FSCN2: variants seen among roughly 807,000 people sequenced by gnomAD.
The protein encoded by FSCN2 is fascin-2.
A neutral mutation model predicts 37.8 loss-of-function variants in FSCN2; 46 were observed. That is an observed-to-expected ratio of 1.22 (90% CI 0.96 to 1.56). The LOEUF (loss-of-function observed/expected upper bound fraction) is 1.56, where lower values mean the gene tolerates loss of function less well. Among genes scored for constraint, FSCN2 ranks in the 40% most tolerant of loss-of-function variants. The pLI, the probability that FSCN2 is intolerant of heterozygous loss-of-function variation, is 0.00. For missense variants in FSCN2, 844 were observed against 730.4 expected, an observed-to-expected ratio of 1.16 and a Z score of -1.79; for synonymous variants, 351 against 309.4, an observed-to-expected ratio of 1.13 and a Z score of -1.41.
At chr17:81,532,983 C>T (rs1247816622) in intron 1 of FSCN2, among the ~76,000 whole-genome samples, 1 of 152,144 alleles carries the variant, frequency 6.6e-6, no homozygotes, top group Non-Finnish European at 1.5e-5. Flanking sequence ...GACCCAACCA[C>T]CAGGTGTTTC....
chr17:81,520,211 C>T, the FSCN2 span, among the ~76,000 whole-genome samples: 1 of 152,066 alleles, frequency 6.6e-6, no homozygotes, highest in East Asian at 1.9e-4. Flanking sequence ...GGCGGTCACA[C>T]TTCCTCCTGG....
the FSCN2 span, among the ~76,000 whole-genome samples, chr17:81,517,553 C>G: frequency 6.6e-6 from 1 of 152,128 alleles, no homozygotes; most frequent in Non-Finnish European, 1.5e-5. Context: ...CTCTGTGTGT[C>G]GTGTGTGAGA....
At chr17:81,536,821 C>G in intron 4 of FSCN2, 32 bp downstream of exon 4, 1 of 1,533,602 alleles carries the variant, frequency 6.5e-7, no homozygotes. Context: ...CACGCGGGAG[C>G]GGGGGTGGCA....
chr17:81,531,406 TGATGGTGGTGGTGATAGTGATGATGGA>T (rs1555671292), intron 1 of FSCN2, among the ~76,000 whole-genome samples: 7 of 144,694 alleles, frequency 4.8e-5, no homozygotes, highest in African/African-American at 1.3e-4. Context: ...ATGGTGATGG[TGATGGTGGTGGTGATAGTGATGATGGA>T]GATGGTGGTG....
At chr17:81,529,400 C>A (rs782117777) in intron 1 of FSCN2, 43 bp downstream of exon 1, 5 of 1,429,176 alleles carry the variant, frequency 3.5e-6, no homozygotes, top group African/African-American at 1.4e-5. Flanking sequence ...GGTGCTGGGA[C>A]CCCCCTGCTT....
the FSCN2 span, among the ~76,000 whole-genome samples, chr17:81,516,034 AG>A: frequency 3.9e-5 from 6 of 152,374 alleles, no homozygotes; most frequent in Non-Finnish European, 8.8e-5. Flanking sequence ...TGGTGGAGAC[AG>A]GGTTTCACCA....
Position 81,532,143 on chromosome 17 carries a change from A to T in FSCN2, c.826+2786A>T, listed in dbSNP as rs867057070. ...GATGGTGATGATAGTGATGGTGATGATGGTGATGGTGATGATGATGGTGAT... is the reference window on the plus strand; with the variant it reads ...GATGGTGATGATAGTGATGGTGATGTTGGTGATGGTGATGATGATGGTGAT... On this transcript the variant is annotated intron_variant, in intron 1 of 4. Coordinates refer to ENST00000417245, the MANE Select transcript of FSCN2 (RefSeq NM_012418.4). Among the ~76,000 whole-genome samples the T allele has an allele frequency of 1.4e-3, 185 of 131,328 alleles. 1 individual carries two copies. The highest frequency in any genetic ancestry group is 5.0e-3 in the African/African-American group (167 of 33,518). 86.2% of individuals were successfully genotyped at this position (131,328 alleles called of 152,430 possible). A position where few individuals can be genotyped will look rare whatever the true frequency, so the allele number is the denominator to read the frequency against.
chr17:81,515,549 G>A, the FSCN2 span, among the ~76,000 whole-genome samples: 14 of 152,214 alleles, frequency 9.2e-5, no homozygotes, highest in Non-Finnish European at 4.4e-5. Flanking sequence ...CCCATTTAGT[G>A]GATACGACAA....
chr17:81,524,903 A>G (rs1024571557), upstream of FSCN2, among the ~76,000 whole-genome samples: 2 of 145,880 alleles, frequency 1.4e-5, no homozygotes, highest in Admixed American at 1.4e-4. Context: ...TCACACACAC[A>G]CACACACACA....
chr17:81,528,900 A>G lies in FSCN2; in HGVS notation c.369A>G (p.Thr123=), dbSNP rs1276906156. ...AGGACCAGCTGTCCTGCTTCGCCAC[A>G]GCCGTTTCCCCGGCCGAGCTGTGGA... is the stretch of plus-strand genomic sequence containing the variant. ...GTEDQLSCFA[T]AVSPAELWTV... The change falls in exon 1 of 5, where the codon ACA becomes ACG. Residue 123 remains threonine, a synonymous_variant. Transcript: ENST00000417245. 6.3e-7 allele frequency: 1 copy of G among 1,583,658 alleles called. No homozygotes were observed. Among genetic ancestry groups the G allele is most frequent in the Non-Finnish European group, 8.6e-7 (1 of 1,168,548 alleles).
intron 1 of FSCN2, chr17:81,530,622 G>A (rs1598571984): frequency 1.9e-6 from 1 of 515,158 alleles, no homozygotes; most frequent in South Asian, 1.4e-5. Context: ...GAGCTCCCCT[G>A]TCTCCTGGCA....
At chr17:81,517,475 A>C in the FSCN2 span, among the ~76,000 whole-genome samples, 2 of 151,834 alleles carry the variant, frequency 1.3e-5, no homozygotes, top group African/African-American at 4.8e-5. Context: ...GGCCCAGCAA[A>C]CCCCCCAGGC....
chr17:81,536,075 A>G, intron 2 of FSCN2, 71 bp from the exon 3 acceptor site: 3 of 1,544,680 alleles, frequency 1.9e-6, no homozygotes, highest in Non-Finnish European at 2.6e-6. Context: ...GAACCTGAGG[A>G]GGATGGGGAA....
chr17:81,528,876 G>A lies in FSCN2; in HGVS notation c.345G>A (p.Glu115=), dbSNP rs1555670640. The A allele has an allele frequency of 6.4e-7, 1 of 1,569,280 alleles. No individual in the cohort carries two copies. Among genetic ancestry groups the A allele is most frequent in the South Asian group, 1.2e-5 (1 of 86,038 alleles). The change falls in exon 1 of 5, where the codon GAG becomes GAA. Residue 115 remains glutamate, a synonymous_variant. Coordinates refer to ENST00000417245, the MANE Select transcript of FSCN2 (RefSeq NM_012418.4). ...EPHGRFFGGT[E]DQLSCFATAV... ...ACGGCCGCTTCTTCGGAGGCACCGA[G>A]GACCAGCTGTCCTGCTTCGCCACAG...
chr17:81,517,989 T>TTCCCA, the FSCN2 span, among the ~76,000 whole-genome samples: 5 of 152,180 alleles, frequency 3.3e-5, no homozygotes, highest in Non-Finnish European at 5.9e-5. Flanking sequence ...GCAGTGCGCG[T>TTCCCA]CCTGCAACCC....
the FSCN2 span, among the ~76,000 whole-genome samples, chr17:81,522,093 G>A: frequency 2.0e-5 from 3 of 151,792 alleles, no homozygotes; most frequent in Non-Finnish European, 4.4e-5. Flanking sequence ...TGCAACCTCC[G>A]TCTCCTGGGT....
chr17:81,531,420 ATAGTGATGATGGAGATGGTGGTGATGG>A (rs2032582303), intron 1 of FSCN2, among the ~76,000 whole-genome samples: 2 of 29,906 alleles, frequency 6.7e-5, no homozygotes, highest in African/African-American at 1.4e-4. Context: ...GGTGGTGGTG[ATAGTGATGATGGAGATGGTGGTGATGG>A]TGGTGGTGAT....
chr17:81,532,385 G>C (rs1284004190), intron 1 of FSCN2, among the ~76,000 whole-genome samples: 1 of 138,986 alleles, frequency 7.2e-6, no homozygotes, highest in Admixed American at 6.9e-5. Context: ...TGATAGTGAT[G>C]GCGATGATGG....
chr17:81,516,972 CTG>C, the FSCN2 span, among the ~76,000 whole-genome samples: 1 of 152,144 alleles, frequency 6.6e-6, no homozygotes, highest in Non-Finnish European at 1.5e-5. Flanking sequence ...GAGTCCCAGA[CTG>C]TGGAGTTTTC....
Sources: gnomAD v4.1 joint callset for allele counts (sites outside exome capture counted in the v4.1 genomes callset) on GRCh38, gnomAD v4.1.1 for gene constraint, MANE v1.5 for transcripts, NCBI Gene and HGNC (gene_info 2026-07-23, HGNC 2026-07-21) for gene names.